Variants in RTF2 observed in about 807,000 individuals in gnomAD.
RTF2 encodes the protein UPF0549 protein C20orf43.
RTF2 carries 18 observed loss-of-function variants against 38.0 expected under a neutral mutation model. That is an observed-to-expected ratio of 0.47 (90% confidence interval 0.33 to 0.70). The LOEUF is 0.70. Ranked by LOEUF, RTF2 falls within the 30% of genes least tolerant of loss-of-function variation. The probability of loss-of-function intolerance (pLI) is 0.02; values close to 1 mark genes in which losing one functional copy is unlikely to be tolerated. For missense variants in RTF2, 311 were observed against 379.6 expected, an observed-to-expected ratio of 0.82 and a Z score of 1.50; for synonymous variants, 126 against 137.1, an observed-to-expected ratio of 0.92 and a Z score of 0.57.
intron 1 of RTF2, among the ~76,000 whole-genome samples, chr20:56,469,501 C>G (rs577722958): frequency 2.6e-5 from 4 of 152,320 alleles, no homozygotes; most frequent in African/African-American, 9.6e-5. Context: ...GGTAGTGAAG[C>G]CAGGATTCCC....
chr20:56,514,515 G>A (rs377336875), intron 6 of RTF2, among the ~76,000 whole-genome samples: 141 of 152,262 alleles, frequency 9.3e-4, no homozygotes, highest in African/African-American at 3.2e-3. Flanking sequence ...CATTTTACCA[G>A]TGCCAGTCCG....
intron 5 of RTF2, chr20:56,497,303 C>A (rs889616582): frequency 6.4e-7 from 1 of 1,550,868 alleles, no homozygotes; most frequent in Non-Finnish European, 8.7e-7. Flanking sequence ...CTTCTGCAGA[C>A]AGGGGTCTGG....
chr20:56,480,835 A>C (rs531344377), intron 4 of RTF2, among the ~76,000 whole-genome samples: 4 of 152,212 alleles, frequency 2.6e-5, no homozygotes, highest in African/African-American at 9.6e-5. Flanking sequence ...TTACCATCTT[A>C]TAAGAGTGTT....
intron 4 of RTF2, among the ~76,000 whole-genome samples, chr20:56,482,707 A>G (rs1982584706): frequency 2.0e-5 from 3 of 152,248 alleles, no homozygotes; most frequent in Admixed American, 6.5e-5. Context: ...TATGAACTGG[A>G]TTTTGGTTAG....
chr20:56,517,959 G>T, intron 8 of RTF2, 128 bp from the exon 9 acceptor site: 7 of 861,234 alleles, frequency 8.1e-6, no homozygotes, highest in Non-Finnish European at 1.1e-5. Context: ...GATGACGTCC[G>T]CCAGCACTCA....
At chr20:56,480,357 G>T (rs1036975205) in intron 4 of RTF2, among the ~76,000 whole-genome samples, 2 of 152,166 alleles carry the variant, frequency 1.3e-5, no homozygotes, top group Non-Finnish European at 2.9e-5. Context: ...TCATAGAATT[G>T]AAGAGAGTTA....
intron 5 of RTF2, among the ~76,000 whole-genome samples, chr20:56,499,292 G>A (rs1600818583): frequency 6.6e-6 from 1 of 151,166 alleles, no homozygotes; most frequent in Admixed American, 6.6e-5. Flanking sequence ...CGCCTCCCGG[G>A]TTCAAGCGAT....
chr20:56,513,719 A>G, intron 6 of RTF2: 1 of 312,652 alleles, frequency 3.2e-6, no homozygotes, highest in South Asian at 3.9e-5. Context: ...CCATGGCCAT[A>G]AAGCACTGAC....
intron 5 of RTF2, among the ~76,000 whole-genome samples, chr20:56,494,369 T>C (rs150976536): frequency 0.013 from 1,970 of 152,322 alleles, 56 homozygotes; most frequent in African/African-American, 0.045. Flanking sequence ...TTATTATTGA[T>C]AGTATCAACC....
intron 3 of RTF2, among the ~76,000 whole-genome samples, chr20:56,475,010 T>C (rs1431804042): frequency 6.6e-6 from 1 of 152,234 alleles, no homozygotes; most frequent in African/African-American, 2.4e-5. Flanking sequence ...TTTGAAAATT[T>C]TGATGTTCTC....
chr20:56,507,055 G>T (rs943019270), intron 5 of RTF2, among the ~76,000 whole-genome samples: 2 of 152,130 alleles, frequency 1.3e-5, no homozygotes, highest in African/African-American at 4.8e-5. Context: ...AGTTTCAAGC[G>T]ATAAAAAGGA....
At chr20:56,485,670 A>T (rs1241562593) in intron 5 of RTF2, among the ~76,000 whole-genome samples, 6 of 152,220 alleles carry the variant, frequency 3.9e-5, no homozygotes, top group Admixed American at 3.9e-4. Flanking sequence ...AGTCTGTCTT[A>T]TTAAGCTTTC....
intron 1 of RTF2, among the ~76,000 whole-genome samples, chr20:56,472,885 A>G (rs567973048): frequency 7.9e-5 from 12 of 152,290 alleles, no homozygotes; most frequent in Admixed American, 7.2e-4. Context: ...CATGCTTTCA[A>G]TACCAGCAGT....
chr20:56,486,385 A>G (rs1044378290), intron 5 of RTF2, among the ~76,000 whole-genome samples: 1 of 152,212 alleles, frequency 6.6e-6, no homozygotes, highest in Non-Finnish European at 1.5e-5. Flanking sequence ...ACAGTGGCTC[A>G]TGCCTGTAAT....
chr20:56,482,061 C>T (rs113463048), intron 4 of RTF2, among the ~76,000 whole-genome samples: 6 of 152,290 alleles, frequency 3.9e-5, no homozygotes, highest in African/African-American at 1.4e-4. Context: ...TGGTCAGTCT[C>T]TTCTCCTTTT....
Position 56,518,521 on chromosome 20 carries a change from G to A in RTF2, c.*256G>A, listed in dbSNP as rs1886777141. On this transcript the variant is annotated 3_prime_UTR_variant, in exon 9 of 9. Transcript: ENST00000357348. ...GCAGGTGCATTTGGTCCTTTCCATG[G>A]CCAGGAAGCCCTGTGGGCTGCACTT... 5 of 369,570 alleles carry A rather than the reference G, an allele frequency of 1.4e-5. No individual in the cohort carries two copies. The highest frequency in any genetic ancestry group is 1.9e-5 in the Non-Finnish European group (4 of 207,382). The allele number at this position is 369,570 out of a possible 1,614,324, so 22.9% of individuals were successfully genotyped here. A position where few individuals can be genotyped will look rare whatever the true frequency, so the allele number is the denominator to read the frequency against.
At chr20:56,494,099 C>T (rs1394243022) in intron 5 of RTF2, among the ~76,000 whole-genome samples, 2 of 152,104 alleles carry the variant, frequency 1.3e-5, no homozygotes, top group Non-Finnish European at 2.9e-5. Flanking sequence ...AGGCCCAAAG[C>T]TCGGACCCGG....
Position 56,518,297 on chromosome 20 carries a change from G to A in RTF2, c.*32G>A. The A allele has an allele frequency of 6.3e-7, 1 of 1,593,436 alleles. No individual in the cohort carries two copies. The highest frequency in any genetic ancestry group is 1.1e-5 in the South Asian group (1 of 88,380). ...CACTGCCACCGCTCCTGCCCCAGAA[G>A]GTTGTTTAGTTTCCACGTAGGCAGG... On this transcript the variant is annotated 3_prime_UTR_variant, in exon 9 of 9. Coordinates refer to ENST00000357348, the MANE Select transcript of RTF2 (RefSeq NM_016407.5).
chr20:56,481,155 A>T lies in RTF2; in HGVS notation c.399-2956A>T, dbSNP rs145787590. Among the ~76,000 whole-genome samples the T allele has an allele frequency of 2.3e-4, 35 of 152,294 alleles. No homozygotes were observed. The East Asian group carries it at 5.8e-3, about 25-fold the overall frequency. ...GAATCTTCTGTTAAACACACAACAT[A>T]CTGAAAGGTAGCATTTTTTATTACT... On this transcript the variant is annotated intron_variant, in intron 4 of 8. Transcript: ENST00000357348.
Sources: gnomAD v4.1 joint callset for allele counts (sites outside exome capture counted in the v4.1 genomes callset) on GRCh38, gnomAD v4.1.1 for gene constraint, MANE v1.5 for transcripts, NCBI Gene and HGNC (gene_info 2026-07-23, HGNC 2026-07-21) for gene names.